Variants in ABLIM1 observed in about 807,000 individuals in gnomAD.
ABLIM1 encodes actin binding LIM protein 1, also known as actin-binding LIM protein 1.
In ABLIM1, 40 loss-of-function variants were observed where a neutral mutation model predicts 107.0. The ratio of observed to expected loss-of-function variants is 0.37; its 90% confidence interval spans 0.29 to 0.49. The LOEUF (loss-of-function observed/expected upper bound fraction) is 0.49. Ranked by LOEUF, ABLIM1 falls within the 20% of genes least tolerant of loss-of-function variation. The pLI is 0.97. For missense variants in ABLIM1, 857 were observed against 1,008.5 expected (o/e 0.85, Z 2.04); for synonymous variants, 357 against 357.3 (o/e 1.00, Z 0.01).
At chr10:114,484,626 G>A (rs539587529) in intron 8 of ABLIM1, among the ~76,000 whole-genome samples, 1 of 152,168 alleles carries the variant, frequency 6.6e-6, no homozygotes, top group South Asian at 2.1e-4. Context: ...CAAGTGATCT[G>A]CCTGCCTCGG....
rs217189 is a variant in ABLIM1, at chr10:114,695,538, T to C, written c.-213+72523A>G. On this transcript the variant is annotated intron_variant, in intron 1 of 15. Transcript: ENST00000651092. ...TCCCACAACATCAAAATAATGTATC[T>C]GTGCACTGGGGAGCAGCAATAATTA... Among the ~76,000 whole-genome samples the C allele has an allele frequency of 1.8e-3, 278 of 152,272 alleles. 4 individuals carry two copies. In the Middle Eastern group the frequency reaches 0.024, roughly 13 times the overall value.
chr10:114,727,372 C>T (rs1340390891), intron 1 of ABLIM1, among the ~76,000 whole-genome samples: 1 of 151,976 alleles, frequency 6.6e-6, no homozygotes, highest in Non-Finnish European at 1.5e-5. Flanking sequence ...GAAACAAATG[C>T]AAAAAAGTAT....
chr10:114,781,551 T>C, the ABLIM1 span, among the ~76,000 whole-genome samples: 3 of 95,068 alleles, frequency 3.2e-5, no homozygotes, highest in Non-Finnish European at 5.1e-5. Context: ...TATATCTATA[T>C]ATGTGTGTGT....
chr10:114,461,818 C>A (rs1265317122), intron 12 of ABLIM1, among the ~76,000 whole-genome samples: 3 of 150,732 alleles, frequency 2.0e-5, no homozygotes, highest in Non-Finnish European at 4.4e-5. Context: ...GACTCTGTGT[C>A]AAAACAAATA....
At chr10:114,725,355 T>C (rs573436194) in intron 1 of ABLIM1, among the ~76,000 whole-genome samples, 4 of 152,244 alleles carry the variant, frequency 2.6e-5, no homozygotes, top group Non-Finnish European at 5.9e-5. Context: ...GAAATATCCA[T>C]TAGCAGGAAA....
chr10:114,453,565 A>G (rs1291638800), intron 12 of ABLIM1, 82 bp from the exon 13 acceptor site: 1 of 1,181,134 alleles, frequency 8.5e-7, no homozygotes, highest in Non-Finnish European at 1.2e-6. Flanking sequence ...ATAAAAATTC[A>G]AAACAACAGA....
At chr10:114,457,278 A>AT (rs940289701) in intron 12 of ABLIM1, among the ~76,000 whole-genome samples, 32 of 150,448 alleles carry the variant, frequency 2.1e-4, no homozygotes, top group African/African-American at 5.4e-4. Flanking sequence ...TTTTATTTTT[A>AT]TTTTTTTTTG....
Position 114,571,283 on chromosome 10 carries a change from AC to A in ABLIM1, c.673+13del. On this transcript the variant is annotated intron_variant, in intron 4 of 22. Coordinates refer to ENST00000533213, the MANE Select transcript of ABLIM1 (RefSeq NM_002313.7). Reference sequence around the variant, plus strand: ...ACATAGGTATTCACGTCAGTGGGTCACCGGGGCACTTACTGCTGGAGAAGGT... The same window carrying A: ...ACATAGGTATTCACGTCAGTGGGTCACGGGGCACTTACTGCTGGAGAAGGT... The A allele has an allele frequency of 6.2e-7, 1 of 1,613,294 alleles. No individual in the cohort carries two copies. Among genetic ancestry groups the A allele is most frequent in the Non-Finnish European group, 8.5e-7 (1 of 1,179,226 alleles).
chr10:114,536,227 G>GT lies in ABLIM1; in HGVS notation c.894+8777dup, dbSNP rs536435789. ...TGACTGTCTTTTTCCTTCTTTCTTT[G>GT]TTTTTTTTTTTTTTTTTTTTTTTTT... is the stretch of plus-strand genomic sequence containing the variant. On this transcript the variant is annotated intron_variant, in intron 6 of 22. Transcript: ENST00000533213. 7.1e-5 allele frequency among the ~76,000 whole-genome samples: 4 copies of GT among 56,260 alleles called. 1 individual carries two copies. The highest frequency in any genetic ancestry group is 3.4e-4 in the African/African-American group (4 of 11,874). The allele number at this position is 56,260 out of a possible 152,430, so 36.9% of individuals were successfully genotyped here.
At chr10:114,793,220 T>C in the ABLIM1 span, among the ~76,000 whole-genome samples, 1 of 152,132 alleles carries the variant, frequency 6.6e-6, no homozygotes, top group Non-Finnish European at 1.5e-5. Context: ...GGGAGGTAAC[T>C]GGATCAGGAG....
intron 8 of ABLIM1, among the ~76,000 whole-genome samples, chr10:114,481,776 T>C (rs547959937): frequency 6.6e-6 from 1 of 152,194 alleles, no homozygotes; most frequent in South Asian, 2.1e-4. Context: ...AAAGACACAC[T>C]CAAAAGGATG....
chr10:114,761,431 G>A (rs1035230755), intron 1 of ABLIM1, among the ~76,000 whole-genome samples: 5 of 152,126 alleles, frequency 3.3e-5, no homozygotes, highest in African/African-American at 1.2e-4. Context: ...CTACTGCCCA[G>A]GCTCTCGGCT....
At chr10:114,499,636 C>A (rs936105461) in intron 6 of ABLIM1, among the ~76,000 whole-genome samples, 2 of 152,108 alleles carry the variant, frequency 1.3e-5, no homozygotes, top group African/African-American at 4.8e-5. Context: ...TTTATAAGCA[C>A]TGAAATGAGT....
chr10:114,640,890 A>G (rs1439328170), intron 1 of ABLIM1, among the ~76,000 whole-genome samples: 3 of 152,212 alleles, frequency 2.0e-5, no homozygotes, highest in Non-Finnish European at 4.4e-5. Flanking sequence ...TGCATTTTAA[A>G]CAAGGGGTCC....
intron 1 of ABLIM1, among the ~76,000 whole-genome samples, chr10:114,634,456 G>T (rs1300252663): frequency 6.6e-6 from 1 of 152,046 alleles, no homozygotes; most frequent in African/African-American, 2.4e-5. Context: ...ACTTGGGATG[G>T]CAGTTTAAAA....
chr10:114,643,265 A>T (rs1271017322), intron 1 of ABLIM1, among the ~76,000 whole-genome samples: 1 of 152,222 alleles, frequency 6.6e-6, no homozygotes, highest in Admixed American at 6.5e-5. Context: ...ACAACTAACA[A>T]AAATCGGAGG....
At position 114,683,934 on chromosome 10, in the gene ABLIM1, T is replaced by G. The variant is rs117621093; in HGVS notation, c.64+356A>C. Reference sequence around the variant, plus strand: ...AGATGACATCCAAACTCAAACAAAATGCCCAGAAATAGGATCACAGGTGTT... The same window carrying G: ...AGATGACATCCAAACTCAAACAAAAGGCCCAGAAATAGGATCACAGGTGTT... On this transcript the variant is annotated intron_variant, in intron 1 of 23. Transcript: ENST00000369256. 2.4e-3 allele frequency among the ~76,000 whole-genome samples: 369 copies of G among 152,092 alleles called. 11 individuals are homozygous for G. In the East Asian group the frequency reaches 0.055, roughly 23 times the overall value.
At chr10:114,469,851 C>G (rs2066105751) in intron 10 of ABLIM1, among the ~76,000 whole-genome samples, 1 of 152,198 alleles carries the variant, frequency 6.6e-6, no homozygotes. Flanking sequence ...GAAATTCAAA[C>G]AGAGCTATGG....
At chr10:114,785,203 C>G in the ABLIM1 span, among the ~76,000 whole-genome samples, 1 of 152,218 alleles carries the variant, frequency 6.6e-6, no homozygotes, top group African/African-American at 2.4e-5. Context: ...CCTAAAGGTG[C>G]TACCTTCGAA....
Sources: allele counts gnomAD v4.1 joint callset (sites outside exome capture counted in the v4.1 genomes callset), GRCh38; gene constraint gnomAD v4.1.1; transcripts MANE v1.5; gene names NCBI Gene and HGNC (gene_info 2026-07-23, HGNC 2026-07-21).